Variants in REC114 observed in about 807,000 individuals in gnomAD.
REC114 encodes REC114 meiotic recombination protein, also known as meiotic recombination protein REC114.
Under a neutral mutation model 31.3 loss-of-function variants are expected in REC114, and 27 were observed. The ratio of observed to expected loss-of-function variants is 0.86; its 90% CI spans 0.64 to 1.19. The LOEUF is 1.19. Ranked by LOEUF, REC114 falls within the 50% of genes most tolerant of loss-of-function variation. The pLI, the probability that REC114 is intolerant of heterozygous loss-of-function variation, is 0.00. For missense variants in REC114, 344 were observed against 326.9 expected, an observed-to-expected ratio of 1.05 and a Z score of -0.40; for synonymous variants, 134 against 127.7, an observed-to-expected ratio of 1.05 and a Z score of -0.33.
At chr15:73,448,146 A>G (rs1892793356) in intron 1 of REC114, among the ~76,000 whole-genome samples, 1 of 151,952 alleles carries the variant, frequency 6.6e-6, no homozygotes, top group Admixed American at 6.5e-5. Flanking sequence ...CCAGTGAGAC[A>G]GAACTGTTCA....
At chr15:73,489,867 A>G (rs1893421556) in intron 2 of REC114, among the ~76,000 whole-genome samples, 1 of 152,184 alleles carries the variant, frequency 6.6e-6, no homozygotes, top group African/African-American at 2.4e-5. Flanking sequence ...ATCTGTGCCA[A>G]TCTCATGTCT....
intron 2 of REC114, among the ~76,000 whole-genome samples, chr15:73,508,352 C>T (rs1395889559): frequency 6.6e-6 from 1 of 150,806 alleles, no homozygotes; most frequent in African/African-American, 2.4e-5. Flanking sequence ...ACATAGCACA[C>T]TGTTTTTCTA....
chr15:73,496,756 C>G (rs1349508184), intron 2 of REC114, among the ~76,000 whole-genome samples: 1 of 151,994 alleles, frequency 6.6e-6, no homozygotes, highest in South Asian at 2.1e-4. Context: ...TAATCCAAAC[C>G]AGGAAGTTAA....
chr15:73,460,736 A>G (rs1892978906), intron 1 of REC114, among the ~76,000 whole-genome samples: 1 of 152,196 alleles, frequency 6.6e-6, no homozygotes, highest in Non-Finnish European at 1.5e-5. Context: ...TACTTTAAAC[A>G]TGTGGGAGAA....
chr15:73,534,746 A>G (rs1428788258), intron 2 of REC114, among the ~76,000 whole-genome samples: 1 of 152,084 alleles, frequency 6.6e-6, no homozygotes, highest in Non-Finnish European at 1.5e-5. Flanking sequence ...TTTTAGACCA[A>G]TATCTTTGAT....
chr15:73,528,636 G>GA (rs1894036792), intron 2 of REC114, among the ~76,000 whole-genome samples: 1 of 152,134 alleles, frequency 6.6e-6, no homozygotes, highest in African/African-American at 2.4e-5. Flanking sequence ...TTAAATGGTT[G>GA]AAAAAATTCA....
chr15:73,535,795 C>T (rs995724463), intron 2 of REC114, among the ~76,000 whole-genome samples: 2 of 151,440 alleles, frequency 1.3e-5, no homozygotes, highest in Non-Finnish European at 2.9e-5. Flanking sequence ...GCTACAGTAA[C>T]CAAAACAGCA....
At chr15:73,508,070 T>G (rs1893705563) in intron 2 of REC114, among the ~76,000 whole-genome samples, 5 of 152,156 alleles carry the variant, frequency 3.3e-5, no homozygotes, top group African/African-American at 9.7e-5. Flanking sequence ...TGGCTTTTGT[T>G]GGTTGGTTGT....
At chr15:73,451,960 A>G (rs1186808244) in intron 1 of REC114, among the ~76,000 whole-genome samples, 1 of 152,180 alleles carries the variant, frequency 6.6e-6, no homozygotes, top group Non-Finnish European at 1.5e-5. Flanking sequence ...CTCTTAATAA[A>G]CTAGGTATTG....
intron 2 of REC114, among the ~76,000 whole-genome samples, chr15:73,490,451 G>A (rs1893427589): frequency 6.6e-6 from 1 of 152,210 alleles, no homozygotes; most frequent in Non-Finnish European, 1.5e-5. Flanking sequence ...GCCCATGCCT[G>A]TAATACCAGT....
chr15:73,550,444 A>G (rs769284468), intron 3 of REC114, among the ~76,000 whole-genome samples: 1 of 152,314 alleles, frequency 6.6e-6, no homozygotes, highest in East Asian at 1.9e-4. Context: ...CATGAGATCT[A>G]TTAGCTTTGA....
At chr15:73,520,508 G>A (rs1437172938) in intron 2 of REC114, among the ~76,000 whole-genome samples, 1 of 152,190 alleles carries the variant, frequency 6.6e-6, no homozygotes, top group Admixed American at 6.5e-5. Context: ...GATTACAGGT[G>A]TGAGCCACTG....
chr15:73,443,714 A>T (rs1335834707), intron 1 of REC114, among the ~76,000 whole-genome samples: 1 of 152,188 alleles, frequency 6.6e-6, no homozygotes, highest in African/African-American at 2.4e-5. Flanking sequence ...TGGAGGATAT[A>T]CTATTTATCC....
intron 1 of REC114, among the ~76,000 whole-genome samples, chr15:73,464,761 C>G (rs1446601540): frequency 6.6e-6 from 1 of 152,200 alleles, no homozygotes; most frequent in Non-Finnish European, 1.5e-5. Context: ...GCAGCATTGT[C>G]TTTGCCTCAG....
chr15:73,458,451 T>A (rs1465528564), intron 1 of REC114, among the ~76,000 whole-genome samples: 1 of 152,194 alleles, frequency 6.6e-6, no homozygotes, highest in East Asian at 1.9e-4. Flanking sequence ...AGAGTTATTA[T>A]CCTTTCATGT....
chr15:73,515,488 G>A (rs771436162), intron 2 of REC114, among the ~76,000 whole-genome samples: 1 of 152,094 alleles, frequency 6.6e-6, no homozygotes, highest in African/African-American at 2.4e-5. Flanking sequence ...GGCCTGAATT[G>A]TGTCTCTGCC....
At chr15:73,447,239 G>A (rs1595857405) in intron 1 of REC114, among the ~76,000 whole-genome samples, 2 of 152,326 alleles carry the variant, frequency 1.3e-5, no homozygotes, top group East Asian at 3.9e-4. Flanking sequence ...TGAATAGGTG[G>A]TTGGGTATAT....
rs890055171 is a variant in REC114 at position 73,447,648 on chromosome 15, A to T, written c.159+4304A>T. On this transcript the variant is annotated intron_variant, in intron 1 of 5. Coordinates refer to ENST00000331090, the MANE Select transcript of REC114 (RefSeq NM_001042367.2). ...GGGCAACAGAGTGAGACTCTGTCTC[A>T]AAATAAATAAATAAATAAATAAATA... Among the ~76,000 whole-genome samples, 48 of 143,406 alleles carry T rather than the reference A, an allele frequency of 3.3e-4. 1 individual carries two copies. Among genetic ancestry groups the T allele is most frequent in the East Asian group, 1.5e-3 (7 of 4,826 alleles). The allele number at this position is 143,406 out of a possible 152,430, so 94.1% of individuals were successfully genotyped here.
intron 2 of REC114, among the ~76,000 whole-genome samples, chr15:73,493,529 T>C (rs1192440439): frequency 6.6e-6 from 1 of 152,182 alleles, no homozygotes; most frequent in Non-Finnish European, 1.5e-5. Flanking sequence ...TCTTTTTATT[T>C]TATTTATCCT....
Sources: allele counts gnomAD v4.1 joint callset (sites outside exome capture counted in the v4.1 genomes callset), GRCh38; gene constraint gnomAD v4.1.1; transcripts MANE v1.5; gene names NCBI Gene and HGNC (gene_info 2026-07-23, HGNC 2026-07-21).